The following GPC5 variants were observed in gnomAD, a reference collection of about 807,000 sequenced individuals.
GPC5 encodes the protein glypican-5.
GPC5 carries 47 observed loss-of-function variants against 53.9 expected under a neutral mutation model. The ratio of observed to expected loss-of-function variants is 0.87; its 90% CI spans 0.69 to 1.11. The LOEUF (loss-of-function observed/expected upper bound fraction) is 1.11. Among genes scored for constraint, GPC5 ranks in the 50% most tolerant of loss-of-function variants. The probability of loss-of-function intolerance (pLI) is 0.00; values close to 1 mark genes in which losing one functional copy is unlikely to be tolerated. For missense variants in GPC5, 748 were observed against 713.1 expected, an observed-to-expected ratio of 1.05 and a Z score of -0.56; for synonymous variants, 286 against 263.3, an observed-to-expected ratio of 1.09 and a Z score of -0.84.
intron 7 of GPC5, among the ~76,000 whole-genome samples, chr13:92,633,505 G>A (rs571608762): frequency 1.3e-5 from 2 of 152,064 alleles, no homozygotes; most frequent in African/African-American, 2.4e-5. Flanking sequence ...GCTCACTTGG[G>A]TATTAAAGGT....
intron 6 of GPC5, among the ~76,000 whole-genome samples, chr13:92,069,904 G>A (rs2041196981): frequency 6.6e-6 from 1 of 152,080 alleles, no homozygotes; most frequent in Non-Finnish European, 1.5e-5. Flanking sequence ...CCCAAAGATG[G>A]TCATGCTTTA....
chr13:91,581,360 A>G (rs1016509111), intron 2 of GPC5, among the ~76,000 whole-genome samples: 13 of 152,166 alleles, frequency 8.5e-5, no homozygotes, highest in African/African-American at 3.1e-4. Context: ...CAGCTTTTGT[A>G]AAGTTGGATT....
At chr13:92,369,498 A>C (rs1037073920) in intron 7 of GPC5, among the ~76,000 whole-genome samples, 2 of 152,210 alleles carry the variant, frequency 1.3e-5, no homozygotes, top group Non-Finnish European at 2.9e-5. Flanking sequence ...TTAATGTTTT[A>C]GTTGTTGTTT....
chr13:91,903,919 C>A (rs1017215731), intron 5 of GPC5, among the ~76,000 whole-genome samples: 27 of 151,902 alleles, frequency 1.8e-4, no homozygotes, highest in African/African-American at 6.5e-4. Flanking sequence ...TGATGTAAAT[C>A]AATTAATAGC....
intron 7 of GPC5, among the ~76,000 whole-genome samples, chr13:92,617,678 T>C (rs1234720637): frequency 6.6e-6 from 1 of 152,202 alleles, no homozygotes; most frequent in Non-Finnish European, 1.5e-5. Context: ...TTAATATTAA[T>C]GATAATGCAA....
At chr13:91,770,274 G>T (rs561119128) in intron 5 of GPC5, among the ~76,000 whole-genome samples, 26 of 152,228 alleles carry the variant, frequency 1.7e-4, no homozygotes, top group African/African-American at 5.8e-4. Flanking sequence ...CAACCTGGAA[G>T]CTCTCAGAAC....
At chr13:91,889,903 C>A (rs2039366651) in intron 5 of GPC5, among the ~76,000 whole-genome samples, 1 of 152,104 alleles carries the variant, frequency 6.6e-6, no homozygotes. Flanking sequence ...AAAATGTTAT[C>A]AATCAATAGG....
intron 6 of GPC5, among the ~76,000 whole-genome samples, chr13:92,069,818 T>C (rs2041196538): frequency 6.6e-6 from 1 of 152,164 alleles, no homozygotes; most frequent in African/African-American, 2.4e-5. Context: ...AAAATAGTAC[T>C]TTCTTTTGCC....
intron 7 of GPC5, among the ~76,000 whole-genome samples, chr13:92,477,562 A>G (rs745987484): frequency 5.3e-5 from 8 of 152,192 alleles, no homozygotes; most frequent in Non-Finnish European, 8.8e-5. Context: ...TAAAATTGAT[A>G]ACATAAAACC....
chr13:91,835,482 A>C (rs2038712984), intron 5 of GPC5, among the ~76,000 whole-genome samples: 1 of 152,228 alleles, frequency 6.6e-6, no homozygotes, highest in Admixed American at 6.5e-5. Flanking sequence ...ACTTGGAACC[A>C]ATCCAAATGC....
intron 7 of GPC5, among the ~76,000 whole-genome samples, chr13:92,805,141 C>T (rs1014200982): frequency 1.3e-5 from 2 of 151,970 alleles, no homozygotes; most frequent in Admixed American, 1.3e-4. Context: ...ACATTTTGAC[C>T]TTTATCCATG....
chr13:92,350,285 T>C lies in GPC5; in HGVS notation c.1561+205296T>C, dbSNP rs535148606. 2.0e-5 allele frequency among the ~76,000 whole-genome samples: 3 copies of C among 152,270 alleles called. No homozygotes were observed. The South Asian group carries it at 6.2e-4, about 32-fold the overall frequency. Reference sequence around the variant, plus strand: ...AGTCCACAGCTAACACTGTACTCAATGGTAAAAAATTGGAAAGCTTTCCTT... The same window carrying C: ...AGTCCACAGCTAACACTGTACTCAACGGTAAAAAATTGGAAAGCTTTCCTT... On this transcript the variant is annotated intron_variant, in intron 7 of 7. Transcript: ENST00000377067.
chr13:92,810,713 C>G (rs776200843), intron 7 of GPC5, among the ~76,000 whole-genome samples: 9 of 151,656 alleles, frequency 5.9e-5, no homozygotes, highest in Admixed American at 4.6e-4. Flanking sequence ...TACCTTGTCA[C>G]CTAGAATTTT....
chr13:91,692,423 G>A (rs1437754540), intron 2 of GPC5, among the ~76,000 whole-genome samples: 1 of 152,122 alleles, frequency 6.6e-6, no homozygotes, highest in Non-Finnish European at 1.5e-5. Context: ...AGCAACCAGT[G>A]TGTAATCTAC....
chr13:91,959,561 T>C (rs1199571185), intron 6 of GPC5, among the ~76,000 whole-genome samples: 1 of 152,028 alleles, frequency 6.6e-6, no homozygotes, highest in Non-Finnish European at 1.5e-5. Context: ...AGCACTAGCC[T>C]GATACCAAAA....
intron 5 of GPC5, among the ~76,000 whole-genome samples, chr13:91,798,867 C>T (rs376947726): frequency 2.6e-5 from 4 of 152,186 alleles, no homozygotes; most frequent in South Asian, 2.1e-4. Context: ...TCTGCAACCT[C>T]GCTAGCATCT....
intron 6 of GPC5, among the ~76,000 whole-genome samples, chr13:92,109,061 G>T (rs1191020715): frequency 2.2e-4 from 19 of 87,500 alleles, no homozygotes; most frequent in Middle Eastern, 0.011. Context: ...CAATATGTTG[G>T]TTTTTTTTTT....
At chr13:91,887,223 A>AAGACATGGTTT (rs2039333098) in intron 5 of GPC5, among the ~76,000 whole-genome samples, 1 of 152,164 alleles carries the variant, frequency 6.6e-6, no homozygotes, top group Non-Finnish European at 1.5e-5. Context: ...TCAACCTCCA[A>AAGACATGGTTT]AGACATGGTT....
intron 6 of GPC5, among the ~76,000 whole-genome samples, chr13:91,920,308 C>G (rs1042008495): frequency 6.6e-6 from 1 of 151,760 alleles, no homozygotes; most frequent in Non-Finnish European, 1.5e-5. Flanking sequence ...ATTAAAAATT[C>G]AATAGAAGCA....
Sources: gnomAD v4.1 joint callset for allele counts (sites outside exome capture counted in the v4.1 genomes callset) on GRCh38, gnomAD v4.1.1 for gene constraint, MANE v1.5 for transcripts, NCBI Gene and HGNC (gene_info 2026-07-23, HGNC 2026-07-21) for gene names.